HTR7: variants seen among roughly 807,000 people sequenced by gnomAD.
HTR7 encodes the protein 5-hydroxytryptamine receptor 7.
Under a neutral mutation model 34.0 loss-of-function variants are expected in HTR7, and 16 were observed. The ratio of observed to expected loss-of-function variants is 0.47; its 90% CI spans 0.32 to 0.71. The LOEUF (loss-of-function observed/expected upper bound fraction) is 0.71. HTR7 is among the 30% of genes least tolerant of loss of function. The probability of loss-of-function intolerance (pLI) is 0.04; values close to 1 mark genes in which losing one functional copy is unlikely to be tolerated. For missense variants in HTR7, 504 were observed against 625.5 expected, an observed-to-expected ratio of 0.81 and a Z score of 2.07; for synonymous variants, 265 against 260.2, an observed-to-expected ratio of 1.02 and a Z score of -0.18.
intron 1 of HTR7, among the ~76,000 whole-genome samples, chr10:90,785,474 T>C (rs1393295910): frequency 6.6e-6 from 1 of 152,132 alleles, no homozygotes; most frequent in African/African-American, 2.4e-5. Context: ...GTAAATTCCT[T>C]TGATACCTTC....
At chr10:90,776,158 T>C (rs1337469814) in intron 1 of HTR7, among the ~76,000 whole-genome samples, 1 of 152,212 alleles carries the variant, frequency 6.6e-6, no homozygotes, top group Non-Finnish European at 1.5e-5. Context: ...ATATAGGATA[T>C]GGCAGGTGTA....
intron 1 of HTR7, among the ~76,000 whole-genome samples, chr10:90,758,092 A>G (rs1844864486): frequency 1.3e-5 from 2 of 152,146 alleles, no homozygotes; most frequent in Non-Finnish European, 1.5e-5. Context: ...TCACACCTGT[A>G]ATCCCAGTAC....
rs150996853 is a variant in HTR7 at position 90,851,944 on chromosome 10, T to C, written c.539+5189A>G. ...GCTTCCCCTTCACCTTCCACCATGA[T>C]TGTGAGGCCTCTCCAGCCTTGTGGA... On this transcript the variant is annotated intron_variant, in intron 1 of 3. Coordinates refer to ENST00000336152, the MANE Select transcript of HTR7 (RefSeq NM_019859.4). 5.8e-3 allele frequency among the ~76,000 whole-genome samples: 888 copies of C among 152,310 alleles called. 5 individuals carry two copies. The highest frequency in any genetic ancestry group is 0.017 in the Middle Eastern group (5 of 294).
intron 1 of HTR7, among the ~76,000 whole-genome samples, chr10:90,843,078 A>T (rs138615076): frequency 2.0e-5 from 3 of 152,166 alleles, no homozygotes; most frequent in Non-Finnish European, 4.4e-5. Flanking sequence ...TGTGGATTTG[A>T]GAATCAGAGG....
intron 2 of HTR7, among the ~76,000 whole-genome samples, chr10:90,748,463 T>A (rs2119672593): frequency 6.6e-6 from 1 of 152,352 alleles, no homozygotes; most frequent in South Asian, 2.1e-4. Flanking sequence ...AGGATGAGGT[T>A]ATCAAAAAAG....
At chr10:90,779,875 C>A (rs887238143) in intron 1 of HTR7, among the ~76,000 whole-genome samples, 1 of 152,308 alleles carries the variant, frequency 6.6e-6, no homozygotes, top group South Asian at 2.1e-4. Flanking sequence ...TACCTCCATA[C>A]TTTAGGGTAG....
intron 1 of HTR7, among the ~76,000 whole-genome samples, chr10:90,777,437 C>T (rs531230056): frequency 1.2e-4 from 18 of 147,904 alleles, no homozygotes; most frequent in Admixed American, 9.5e-4. Context: ...GCCAAGATGA[C>T]GCCACTGCAC....
chr10:90,815,812 C>G (rs1845891022), intron 1 of HTR7, among the ~76,000 whole-genome samples: 1 of 152,168 alleles, frequency 6.6e-6, no homozygotes, highest in Non-Finnish European at 1.5e-5. Context: ...AGCTAGAATG[C>G]TGGTGGGAAC....
intron 1 of HTR7, among the ~76,000 whole-genome samples, chr10:90,764,721 C>T (rs755546622): frequency 3.3e-5 from 5 of 151,990 alleles, no homozygotes; most frequent in Admixed American, 2.6e-4. Context: ...AGAAGTGGTG[C>T]GAGTGGACAA....
intron 1 of HTR7, among the ~76,000 whole-genome samples, chr10:90,790,585 T>C (rs1164198680): frequency 2.6e-5 from 4 of 152,178 alleles, no homozygotes; most frequent in African/African-American, 9.6e-5. Context: ...CTCTCTAAAC[T>C]GAACATTTAA....
At chr10:90,773,802 A>G (rs1394638922) in intron 1 of HTR7, among the ~76,000 whole-genome samples, 2 of 152,164 alleles carry the variant, frequency 1.3e-5, no homozygotes, top group Non-Finnish European at 2.9e-5. Flanking sequence ...TTATGGTTGA[A>G]TAGTACTGCA....
At chr10:90,832,676 G>A (rs574088423) in intron 1 of HTR7, among the ~76,000 whole-genome samples, 132 of 152,284 alleles carry the variant, frequency 8.7e-4, no homozygotes, top group South Asian at 1.5e-3. Flanking sequence ...AATGGGCACC[G>A]AGGCCAAGGA....
intron 1 of HTR7, among the ~76,000 whole-genome samples, chr10:90,762,777 T>G (rs1844960740): frequency 1.3e-5 from 2 of 152,204 alleles, no homozygotes; most frequent in South Asian, 4.1e-4. Context: ...GATACTACAT[T>G]TAAATCGTTA....
At chr10:90,742,588 C>T in intron 3 of HTR7, 60 bp from the exon 4 acceptor site, 1 of 1,238,378 alleles carries the variant, frequency 8.1e-7, no homozygotes, top group Non-Finnish European at 1.2e-6. Flanking sequence ...TGTGAGTTTT[C>T]ATTTTGTGGT....
chr10:90,789,215 T>G (rs1845429181), intron 1 of HTR7, among the ~76,000 whole-genome samples: 1 of 152,188 alleles, frequency 6.6e-6, no homozygotes, highest in Non-Finnish European at 1.5e-5. Flanking sequence ...TGCTCTGCAT[T>G]GTTATACCAC....
chr10:90,815,595 T>C (rs1201774087), intron 1 of HTR7, among the ~76,000 whole-genome samples: 1 of 151,872 alleles, frequency 6.6e-6, no homozygotes, highest in Admixed American at 6.6e-5. Context: ...AGGGAGAGCA[T>C]TGGGAAGAAT....
At chr10:90,743,224 G>A (rs1844581779) in intron 3 of HTR7, among the ~76,000 whole-genome samples, 1 of 152,096 alleles carries the variant, frequency 6.6e-6, no homozygotes, top group Admixed American at 6.6e-5. Flanking sequence ...TGGCTGTCTT[G>A]CCTGCAGTCC....
chr10:90,802,728 T>C (rs973594759), intron 1 of HTR7, among the ~76,000 whole-genome samples: 1 of 152,248 alleles, frequency 6.6e-6, no homozygotes, highest in African/African-American at 2.4e-5. Flanking sequence ...TTTGATTCCA[T>C]GTGGGATTAA....
intron 1 of HTR7, among the ~76,000 whole-genome samples, chr10:90,760,656 G>A (rs1448406692): frequency 1.3e-5 from 2 of 152,136 alleles, no homozygotes; most frequent in Non-Finnish European, 2.9e-5. Flanking sequence ...AAGGCAAGTG[G>A]ATCAGCTGAG....
Sources: gnomAD v4.1 joint callset for allele counts (sites outside exome capture counted in the v4.1 genomes callset) on GRCh38, gnomAD v4.1.1 for gene constraint, MANE v1.5 for transcripts, NCBI Gene and HGNC (gene_info 2026-07-23, HGNC 2026-07-21) for gene names.